DYNC2LI1: variants seen among roughly 807,000 people sequenced by gnomAD.
The protein encoded by DYNC2LI1 is dynein cytoplasmic 2 light intermediate chain 1.
In DYNC2LI1, 45 loss-of-function variants were observed where a neutral mutation model predicts 51.9. That is an observed-to-expected ratio of 0.87 (90% CI 0.68 to 1.11). DYNC2LI1 has a LOEUF of 1.11. Ranked by LOEUF, DYNC2LI1 falls within the 50% of genes most tolerant of loss-of-function variation. The pLI is 0.00. For synonymous variants in DYNC2LI1, 130 were observed against 137.8 expected (o/e 0.94, Z 0.40); for missense variants, 490 against 417.4 (o/e 1.17, Z -1.51).
intron 1 of DYNC2LI1, 40 bp downstream of exon 1, chr2:43,774,186 G>C (rs751366604): frequency 6.2e-7 from 1 of 1,612,220 alleles, no homozygotes; most frequent in Non-Finnish European, 8.5e-7. Context: ...AGGCTACTGA[G>C]AGTATTCCTG....
chr2:43,782,761 T>G (rs1673350954), intron 2 of DYNC2LI1, among the ~76,000 whole-genome samples: 1 of 151,930 alleles, frequency 6.6e-6, no homozygotes, highest in South Asian at 2.1e-4. Context: ...GTGGGCAGAT[T>G]AGATGAGGCC....
Position 43,807,009 on chromosome 2 carries a change from A to G in DYNC2LI1, c.993+1763A>G, listed in dbSNP as rs3792011. On this transcript the variant is annotated intron_variant, in intron 12 of 12. Coordinates refer to ENST00000260605, the MANE Select transcript of DYNC2LI1 (RefSeq NM_016008.4). ...CAGATTGCACACACAGGACCTTAAC[A>G]TAATTTTATGCTTTAGCTGTAAAGA... Among the ~76,000 whole-genome samples the G allele has an allele frequency of 1.2e-4, 19 of 152,356 alleles. No homozygotes were observed. In the East Asian group the frequency reaches 3.7e-3, roughly 29 times the overall value.
intron 12 of DYNC2LI1, among the ~76,000 whole-genome samples, 161 bp from the exon 13 acceptor site, chr2:43,809,544 C>T (rs189272985): frequency 2.0e-5 from 3 of 152,204 alleles, no homozygotes; most frequent in South Asian, 2.1e-4. Flanking sequence ...AAAATAAGTC[C>T]TAAGCATAAT....
chr2:43,774,276 G>A (rs771607498), intron 1 of DYNC2LI1, 130 bp downstream of exon 1: 2 of 1,246,194 alleles, frequency 1.6e-6, no homozygotes, highest in Non-Finnish European at 2.3e-6. Context: ...CAGGGTCGGG[G>A]ACCTAGGAAT....
intron 3 of DYNC2LI1, among the ~76,000 whole-genome samples, chr2:43,785,361 A>G (rs1213625156): frequency 6.6e-6 from 1 of 152,164 alleles, no homozygotes; most frequent in Non-Finnish European, 1.5e-5. Flanking sequence ...CTTAAAAAGG[A>G]AGGAAATTCT....
chr2:43,801,714 G>A lies in DYNC2LI1; in HGVS notation c.802+5G>A, dbSNP rs1666084037. 2 of 1,601,264 alleles carry A rather than the reference G, an allele frequency of 1.2e-6. No homozygotes were observed. The highest frequency in any genetic ancestry group is 1.3e-5 in the African/African-American group (1 of 74,634). On this transcript the variant is annotated splice_donor_5th_base_variant and intron_variant, in intron 10 of 12. Coordinates refer to ENST00000260605, the MANE Select transcript of DYNC2LI1 (RefSeq NM_016008.4). ...TGGATTCTTTCGGTCAAATAGGTTAGTGAACTTATTAAGATTGTTCAATCT... is the reference window on the plus strand; with the variant it reads ...TGGATTCTTTCGGTCAAATAGGTTAATGAACTTATTAAGATTGTTCAATCT...
intron 10 of DYNC2LI1, among the ~76,000 whole-genome samples, chr2:43,804,158 G>A (rs72796704): frequency 0.16 from 24,679 of 152,074 alleles, 2,964 homozygotes; most frequent in African/African-American, 0.33. Context: ...TATTAATGCT[G>A]TATGTGGGTC....
chr2:43,806,952 T>C (rs1666281886), intron 12 of DYNC2LI1, among the ~76,000 whole-genome samples: 1 of 152,124 alleles, frequency 6.6e-6, no homozygotes. Context: ...TCTAAACCAC[T>C]TTTATTTGTG....
intron 1 of DYNC2LI1, 23 bp from the exon 2 acceptor site, chr2:43,776,759 T>C (rs1440766892): frequency 5.4e-6 from 6 of 1,119,694 alleles, no homozygotes; most frequent in African/African-American, 4.8e-5. Context: ...CCCTCAATTT[T>C]GTTTTTTCTG....
chr2:43,802,622 C>T (rs962047266), intron 10 of DYNC2LI1, among the ~76,000 whole-genome samples: 2 of 152,058 alleles, frequency 1.3e-5, no homozygotes, highest in African/African-American at 4.8e-5. Context: ...TCTTTTGCTT[C>T]TATGAATAGT....
chr2:43,785,424 G>T (rs776992914), intron 3 of DYNC2LI1, among the ~76,000 whole-genome samples: 1 of 151,662 alleles, frequency 6.6e-6, no homozygotes, highest in Non-Finnish European at 1.5e-5. Flanking sequence ...AGTTAAATGA[G>T]CCAGAAACAA....
At chr2:43,791,197 A>AG (rs1673766605) in intron 5 of DYNC2LI1, among the ~76,000 whole-genome samples, 2 of 152,132 alleles carry the variant, frequency 1.3e-5, no homozygotes, top group African/African-American at 4.8e-5. Context: ...CTCCAGCCTG[A>AG]GTGACAGAGT....
Position 43,805,204 on chromosome 2 carries a change from T to A in DYNC2LI1, c.951T>A (p.Tyr317Ter). ...DIKDPARDPQ[Y>*]AENEVDEMRI... ...AGGACCCTGCGAGAGATCCTCAGTA[T>A]GCTGAAAATGAAGTCGATGAGATGA... Residue 317 changes from tyrosine to a stop codon, truncating the protein, a stop_gained, in exon 12 of 13, where the codon TAT becomes TAA. Coordinates refer to ENST00000260605, the MANE Select transcript of DYNC2LI1 (RefSeq NM_016008.4). LOFTEE classifies it high-confidence loss of function. 1 of 1,612,204 alleles carries A rather than the reference T, an allele frequency of 6.2e-7. No individual in the cohort carries two copies. The highest frequency in any genetic ancestry group is 8.5e-7 in the Non-Finnish European group (1 of 1,178,484).
chr2:43,790,731 T>C (rs1673744303), intron 5 of DYNC2LI1, among the ~76,000 whole-genome samples: 1 of 152,180 alleles, frequency 6.6e-6, no homozygotes, highest in Non-Finnish European at 1.5e-5. Flanking sequence ...GTAAATAGAC[T>C]TCGTACAGGT....
chr2:43,813,757 G>A (rs13406911), downstream of DYNC2LI1, among the ~76,000 whole-genome samples: 5 of 109,112 alleles, frequency 4.6e-5, no homozygotes, highest in Non-Finnish European at 6.7e-5. Context: ...TCACTCTGCC[G>A]CCCAGGCTGG....
chr2:43,821,723 G>T, the DYNC2LI1 span, among the ~76,000 whole-genome samples: 1 of 152,066 alleles, frequency 6.6e-6, no homozygotes, highest in African/African-American at 2.4e-5. Context: ...AATTCTAATA[G>T]CATGTCCCAT....
At chr2:43,814,417 C>G, downstream of DYNC2LI1, 6 of 1,084,150 alleles carry the variant, frequency 5.5e-6, no homozygotes, top group Middle Eastern at 4.0e-4. Flanking sequence ...TACATTTCCT[C>G]CAAGAAATTG....
In DYNC2LI1 at chr2:43,801,668, C is replaced by T. The variant is rs370772363; in HGVS notation, c.761C>T (p.Pro254Leu). 1.1e-4 allele frequency: 172 copies of T among 1,609,494 alleles called. No individual in the cohort carries two copies. The highest frequency in any genetic ancestry group is 1.7e-4 in the Middle Eastern group (1 of 6,024). Residue 254 changes from proline to leucine, a missense_variant, in exon 10 of 13, where the codon CCG (proline) becomes CTG (leucine). Physicochemically the swap from Pro to Leu is moderately conservative, Grantham distance 98. Transcript: ENST00000260605. ...TCAATATGTGTGGATCAGAATAAACCGCTGTTTATCACAGCAGGATTGGAT... is the reference window on the plus strand; with the variant it reads ...TCAATATGTGTGGATCAGAATAAACTGCTGTTTATCACAGCAGGATTGGAT... ...SKSICVDQNK[P>L]LFITAGLDSF...
At chr2:43,817,854 G>A in the DYNC2LI1 span, among the ~76,000 whole-genome samples, 3 of 151,982 alleles carry the variant, frequency 2.0e-5, no homozygotes, top group Non-Finnish European at 4.4e-5. Flanking sequence ...AGGTTACAGT[G>A]AGCCGAGATC....
Sources: gnomAD v4.1 joint callset for allele counts (sites outside exome capture counted in the v4.1 genomes callset) on GRCh38, gnomAD v4.1.1 for gene constraint, MANE v1.5 for transcripts, NCBI Gene and HGNC (gene_info 2026-07-23, HGNC 2026-07-21) for gene names.